GATAD2B: variants seen among roughly 807,000 people sequenced by gnomAD.
GATAD2B encodes the protein transcriptional repressor p66-beta.
A neutral mutation model predicts 64.3 loss-of-function variants in GATAD2B; 8 were observed. That is an observed-to-expected ratio of 0.12 (90% CI 0.07 to 0.22). GATAD2B has a LOEUF of 0.22. Among genes scored for constraint, GATAD2B ranks in the 10% least tolerant of loss-of-function variants. The pLI is 1.00. For missense variants in GATAD2B, 453 were observed against 752.0 expected, an observed-to-expected ratio of 0.60 and a Z score of 4.65; for synonymous variants, 281 against 271.3, an observed-to-expected ratio of 1.04 and a Z score of -0.35.
intron 1 of GATAD2B, among the ~76,000 whole-genome samples, chr1:153,848,684 T>TG (rs1675774225): frequency 6.6e-6 from 1 of 152,226 alleles, no homozygotes; most frequent in Admixed American, 6.5e-5. Context: ...TTATGCATGG[T>TG]GGCTAACGCC....
At chr1:153,815,683 T>C (rs1301569927) in intron 7 of GATAD2B, among the ~76,000 whole-genome samples, 5 of 151,722 alleles carry the variant, frequency 3.3e-5, no homozygotes, top group African/African-American at 4.8e-5. Flanking sequence ...AGATAGATGA[T>C]AGATTAGATA....
intron 1 of GATAD2B, among the ~76,000 whole-genome samples, chr1:153,884,094 C>T (rs765411479): frequency 6.6e-6 from 1 of 150,952 alleles, no homozygotes; most frequent in Non-Finnish European, 1.5e-5. Context: ...GCCCGGAGTT[C>T]GACACCAGCC....
intron 1 of GATAD2B, among the ~76,000 whole-genome samples, chr1:153,870,897 T>C (rs989368931): frequency 2.0e-5 from 3 of 152,148 alleles, no homozygotes; most frequent in African/African-American, 7.2e-5. Context: ...TATTTCATAC[T>C]GATACTAGAG....
At chr1:153,889,432 A>T (rs1229880683) in intron 1 of GATAD2B, among the ~76,000 whole-genome samples, 1 of 151,222 alleles carries the variant, frequency 6.6e-6, no homozygotes, top group Non-Finnish European at 1.5e-5. Context: ...AAAAAAAAAA[A>T]AAAACACACA....
rs984038669 is a variant in GATAD2B at position 153,893,338 on chromosome 1, G to A, written c.-2+29395C>T. ...AGTTTATCCCAGCTGGGCACGGGCCGGCTCACATCTGTAATCCCAGCACTT... is the reference window on the plus strand; with the variant it reads ...AGTTTATCCCAGCTGGGCACGGGCCAGCTCACATCTGTAATCCCAGCACTT... On this transcript the variant is annotated intron_variant, in intron 1 of 10. Transcript: ENST00000368655. 3.9e-5 allele frequency among the ~76,000 whole-genome samples: 6 copies of A among 152,122 alleles called. No individual in the cohort carries two copies. In the East Asian group the frequency reaches 5.8e-4, roughly 15 times the overall value.
intron 1 of GATAD2B, among the ~76,000 whole-genome samples, chr1:153,834,615 C>T (rs762318566): frequency 1.3e-5 from 2 of 152,080 alleles, no homozygotes; most frequent in Non-Finnish European, 2.9e-5. Flanking sequence ...GTCTCGCACT[C>T]CCGACCTCAG....
At chr1:153,821,845 C>T (rs970587839) in intron 2 of GATAD2B, among the ~76,000 whole-genome samples, 9 of 151,640 alleles carry the variant, frequency 5.9e-5, no homozygotes, top group Non-Finnish European at 1.3e-4. Context: ...AGATTACAGG[C>T]ATGAGCGACT....
intron 1 of GATAD2B, among the ~76,000 whole-genome samples, chr1:153,869,345 AT>A (rs1676587353): frequency 6.6e-6 from 1 of 151,850 alleles, no homozygotes; most frequent in Admixed American, 6.6e-5. Flanking sequence ...TATTTGCCTA[AT>A]GTTTCCATTA....
intron 1 of GATAD2B, among the ~76,000 whole-genome samples, chr1:153,910,546 C>G (rs1318814601): frequency 6.6e-6 from 1 of 152,106 alleles, no homozygotes; most frequent in Non-Finnish European, 1.5e-5. Context: ...TCAAGACCAG[C>G]CTGGCCGACA....
At chr1:153,846,528 G>A (rs1275197786) in intron 1 of GATAD2B, among the ~76,000 whole-genome samples, 1 of 147,624 alleles carries the variant, frequency 6.8e-6, no homozygotes, top group Non-Finnish European at 1.5e-5. Flanking sequence ...ATTAGCCACC[G>A]TGTCCAACCC....
chr1:153,859,772 C>T (rs1371701363), intron 1 of GATAD2B, among the ~76,000 whole-genome samples: 1 of 151,902 alleles, frequency 6.6e-6, no homozygotes, highest in Non-Finnish European at 1.5e-5. Context: ...TTTATTCTCT[C>T]ATGATGATTA....
intron 1 of GATAD2B, among the ~76,000 whole-genome samples, chr1:153,885,935 A>G (rs1183911065): frequency 6.6e-6 from 1 of 152,134 alleles, no homozygotes; most frequent in Non-Finnish European, 1.5e-5. Context: ...AATTTGATAA[A>G]TGCTGTCTGG....
intron 1 of GATAD2B, among the ~76,000 whole-genome samples, chr1:153,835,388 G>A (rs1046823144): frequency 2.6e-5 from 4 of 151,996 alleles, no homozygotes; most frequent in African/African-American, 9.7e-5. Flanking sequence ...CATGAAAGGA[G>A]AGTCAATCCA....
At chr1:153,899,142 CT>C (rs1460248186) in intron 1 of GATAD2B, among the ~76,000 whole-genome samples, 1 of 152,100 alleles carries the variant, frequency 6.6e-6, no homozygotes, top group Non-Finnish European at 1.5e-5. Flanking sequence ...GTAATTCCAG[CT>C]ACTTGGGGAA....
chr1:153,898,204 G>A (rs1437877125), intron 1 of GATAD2B, among the ~76,000 whole-genome samples: 1 of 149,684 alleles, frequency 6.7e-6, no homozygotes, highest in Non-Finnish European at 1.5e-5. Flanking sequence ...TACTAGAGAG[G>A]CTAAGGAGAG....
chr1:153,864,651 A>G (rs1383983710), intron 1 of GATAD2B, among the ~76,000 whole-genome samples: 1 of 152,136 alleles, frequency 6.6e-6, no homozygotes, highest in African/African-American at 2.4e-5. Flanking sequence ...AAGAGATGAA[A>G]GAGAGGGAGG....
Position 153,806,490 on chromosome 1 carries a change from C to T in GATAD2B, c.*3687G>A, listed in dbSNP as rs1396060182. On this transcript the variant is annotated 3_prime_UTR_variant, in exon 11 of 11. Transcript: ENST00000368655. The stretch of plus-strand genomic sequence containing the variant: ...CTACCCACCCTCCACAGCCCTGCCT[C>T]CCTACCCCCTCCCCTTCCCCAGAAA... 1 of 151,856 alleles carries T rather than the reference C, an allele frequency of 6.6e-6. No individual in the cohort carries two copies. The highest frequency in any genetic ancestry group is 1.9e-4 in the East Asian group (1 of 5,178). The allele number at this position is 151,856 out of a possible 1,614,324, so 9.4% of individuals were successfully genotyped here.
chr1:153,838,622 T>C (rs2101899425), intron 1 of GATAD2B, among the ~76,000 whole-genome samples: 1 of 152,210 alleles, frequency 6.6e-6, no homozygotes, highest in South Asian at 2.1e-4. Context: ...TGCCTCGGCC[T>C]CCTGAGTAGC....
chr1:153,813,911 G>C (rs1674372793), intron 7 of GATAD2B, among the ~76,000 whole-genome samples: 1 of 152,236 alleles, frequency 6.6e-6, no homozygotes, highest in Admixed American at 6.5e-5. Context: ...CTGGGAAGTA[G>C]AGGTTGCAGT....
Sources: allele counts gnomAD v4.1 joint callset (sites outside exome capture counted in the v4.1 genomes callset), GRCh38; gene constraint gnomAD v4.1.1; transcripts MANE v1.5; gene names NCBI Gene and HGNC (gene_info 2026-07-23, HGNC 2026-07-21).